GSK3B: variants seen among roughly 807,000 people sequenced by gnomAD.
GSK3B encodes the protein glycogen synthase kinase-3 beta.
Under a neutral mutation model 56.4 loss-of-function variants are expected in GSK3B, and 15 were observed. The observed-to-expected ratio is 0.27, with a 90% CI of 0.18 to 0.41. GSK3B has a LOEUF of 0.41. Ranked by LOEUF, GSK3B falls within the 10% of genes least tolerant of loss-of-function variation. The pLI is 1.00. For missense variants in GSK3B, 300 were observed against 513.4 expected, an observed-to-expected ratio of 0.58 and a Z score of 4.02; for synonymous variants, 181 against 188.9, an observed-to-expected ratio of 0.96 and a Z score of 0.34.
intron 1 of GSK3B, among the ~76,000 whole-genome samples, chr3:120,032,475 G>C (rs1162746360): frequency 7.4e-6 from 1 of 136,038 alleles, no homozygotes; most frequent in Non-Finnish European, 1.6e-5. Flanking sequence ...ACTCCGTCTC[G>C]GAAAAAAAAA....
intron 1 of GSK3B, among the ~76,000 whole-genome samples, chr3:120,020,443 C>A (rs1052993849): frequency 6.6e-6 from 1 of 152,128 alleles, no homozygotes; most frequent in Non-Finnish European, 1.5e-5. Context: ...ACAGCATATG[C>A]TCACTTTATG....
intron 1 of GSK3B, among the ~76,000 whole-genome samples, chr3:120,047,311 C>G (rs927098985): frequency 2.6e-5 from 4 of 152,146 alleles, no homozygotes; most frequent in African/African-American, 7.2e-5. Flanking sequence ...AGTTAAGAAT[C>G]TGAGATAACT....
intron 7 of GSK3B, among the ~76,000 whole-genome samples, chr3:119,893,771 A>G (rs2056530288): frequency 6.6e-6 from 1 of 152,010 alleles, no homozygotes. Context: ...GAAACCCTTT[A>G]GAGTCCTTTG....
At chr3:120,064,938 C>A (rs940794306) in intron 1 of GSK3B, among the ~76,000 whole-genome samples, 8 of 152,150 alleles carry the variant, frequency 5.3e-5, no homozygotes, top group Non-Finnish European at 1.2e-4. Flanking sequence ...GTTTGTACAA[C>A]TAGACCCTTA....
At chr3:120,076,982 A>G (rs1324761243) in intron 1 of GSK3B, among the ~76,000 whole-genome samples, 3 of 152,080 alleles carry the variant, frequency 2.0e-5, no homozygotes, top group Admixed American at 2.0e-4. Flanking sequence ...CCCTGTTAGG[A>G]TATCTATTAT....
chr3:119,988,550 G>A (rs991648872), intron 2 of GSK3B, among the ~76,000 whole-genome samples: 2 of 152,158 alleles, frequency 1.3e-5, no homozygotes, highest in African/African-American at 4.8e-5. Flanking sequence ...ACTTACAAAG[G>A]CAAAAATGCC....
intron 2 of GSK3B, among the ~76,000 whole-genome samples, chr3:119,970,268 T>C (rs148437855): frequency 2.6e-3 from 396 of 152,252 alleles, no homozygotes; most frequent in African/African-American, 8.5e-3. Context: ...AATTCAATCT[T>C]TTAAAATGGG....
chr3:119,988,812 A>G (rs951290731), intron 2 of GSK3B, among the ~76,000 whole-genome samples: 1 of 152,236 alleles, frequency 6.6e-6, no homozygotes, highest in Non-Finnish European at 1.5e-5. Flanking sequence ...AGGCCTATGT[A>G]ACAAATAATT....
intron 2 of GSK3B, among the ~76,000 whole-genome samples, chr3:119,959,105 T>TTTTTAATCC (rs1422539903): frequency 6.6e-6 from 1 of 152,212 alleles, no homozygotes; most frequent in African/African-American, 2.4e-5. Flanking sequence ...ATTATCTTGC[T>TTTTTAATCC]TTTTAATCCT....
Position 119,958,734 on chromosome 3 carries a change from C to T in GSK3B, c.283-11383G>A, listed in dbSNP as rs1054156810. On this transcript the variant is annotated intron_variant, in intron 2 of 10. Coordinates refer to ENST00000264235, the MANE Select transcript of GSK3B (RefSeq NM_001146156.2). ...GAGAATTCTAAAAACAGAAAGAATA[C>T]TTCCAACTAGGAAGATTAAAAAGAT... 4.0e-5 allele frequency among the ~76,000 whole-genome samples: 6 copies of T among 151,812 alleles called. No individual in the cohort carries two copies. In the South Asian group the frequency reaches 8.3e-4, roughly 21 times the overall value.
At chr3:119,855,614 T>C (rs1156370737) in intron 9 of GSK3B, among the ~76,000 whole-genome samples, 2 of 152,018 alleles carry the variant, frequency 1.3e-5, no homozygotes, top group Non-Finnish European at 2.9e-5. Flanking sequence ...ATTAAGAAAA[T>C]GTGGCACATA....
chr3:119,891,838 C>T (rs1174176373), intron 7 of GSK3B, among the ~76,000 whole-genome samples: 1 of 152,184 alleles, frequency 6.6e-6, no homozygotes, highest in Non-Finnish European at 1.5e-5. Flanking sequence ...TACTAGAACT[C>T]ATGATCTTTT....
At chr3:120,012,977 T>C (rs535848803) in intron 1 of GSK3B, among the ~76,000 whole-genome samples, 3 of 152,320 alleles carry the variant, frequency 2.0e-5, no homozygotes, top group Admixed American at 1.3e-4. Context: ...TGTGAACCAC[T>C]GTATCCAGTC....
At chr3:120,042,631 A>G (rs903417960) in intron 1 of GSK3B, among the ~76,000 whole-genome samples, 1 of 152,228 alleles carries the variant, frequency 6.6e-6, no homozygotes, top group Non-Finnish European at 1.5e-5. Context: ...TAATATAGTT[A>G]AGGCATTAAT....
intron 1 of GSK3B, among the ~76,000 whole-genome samples, chr3:120,061,904 G>A (rs1213624513): frequency 6.6e-6 from 1 of 151,904 alleles, no homozygotes. Flanking sequence ...AGCTAATTTT[G>A]TACTTTTAGT....
chr3:119,863,925 A>T (rs1559813578), intron 8 of GSK3B, among the ~76,000 whole-genome samples: 1 of 152,182 alleles, frequency 6.6e-6, no homozygotes, highest in Non-Finnish European at 1.5e-5. Flanking sequence ...AATATTTTTT[A>T]AATTTTAAAG....
intron 7 of GSK3B, among the ~76,000 whole-genome samples, chr3:119,885,974 T>C (rs1023498427): frequency 2.6e-5 from 4 of 152,082 alleles, no homozygotes; most frequent in African/African-American, 9.7e-5. Context: ...AACACTATTC[T>C]GGCCATTGGC....
chr3:119,994,340 TAATA>T (rs973730862), intron 2 of GSK3B, among the ~76,000 whole-genome samples: 2 of 152,002 alleles, frequency 1.3e-5, no homozygotes, highest in Non-Finnish European at 2.9e-5. Flanking sequence ...AGAATCTAAT[TAATA>T]AAGAAAAAAA....
At chr3:119,967,850 CT>C (rs2057333191) in intron 2 of GSK3B, among the ~76,000 whole-genome samples, 1 of 147,818 alleles carries the variant, frequency 6.8e-6, no homozygotes, top group African/African-American at 2.5e-5. Flanking sequence ...CTCTCTCTCT[CT>C]CTCTCTCTCT....
Sources: allele counts gnomAD v4.1 joint callset (sites outside exome capture counted in the v4.1 genomes callset), GRCh38; gene constraint gnomAD v4.1.1; transcripts MANE v1.5; gene names NCBI Gene and HGNC (gene_info 2026-07-23, HGNC 2026-07-21).